TFAP2D: variants seen among roughly 807,000 people sequenced by gnomAD.
TFAP2D encodes transcription factor AP-2 delta.
A neutral mutation model predicts 43.6 loss-of-function variants in TFAP2D; 9 were observed. That is an observed-to-expected ratio of 0.21 (90% CI 0.12 to 0.36). The LOEUF is 0.36. TFAP2D is among the 10% of genes least tolerant of loss of function. The probability of loss-of-function intolerance (pLI) is 1.00; values close to 1 mark genes in which losing one functional copy is unlikely to be tolerated. For missense variants in TFAP2D, 513 were observed against 561.4 expected (o/e 0.91, Z 0.87); for synonymous variants, 256 against 224.9 (o/e 1.14, Z -1.24).
intron 3 of TFAP2D, among the ~76,000 whole-genome samples, chr6:50,719,485 G>GA (rs767978494): frequency 1.8e-4 from 25 of 137,958 alleles, no homozygotes; most frequent in Non-Finnish European, 3.3e-4. Flanking sequence ...AAGAAAGAAA[G>GA]AAAGAAAGAA....
chr6:50,769,254 A>G (rs1352971639), intron 7 of TFAP2D, among the ~76,000 whole-genome samples: 1 of 152,112 alleles, frequency 6.6e-6, no homozygotes, highest in African/African-American at 2.4e-5. Flanking sequence ...ATAACACCAT[A>G]AAGATGTTAT....
At chr6:50,758,854 G>A (rs754565477) in intron 7 of TFAP2D, among the ~76,000 whole-genome samples, 2 of 152,016 alleles carry the variant, frequency 1.3e-5, no homozygotes, top group Non-Finnish European at 2.9e-5. Flanking sequence ...GCAGATATGA[G>A]TTAGGGGAGA....
chr6:50,736,443 T>C (rs1224030867), intron 5 of TFAP2D, among the ~76,000 whole-genome samples: 2 of 152,292 alleles, frequency 1.3e-5, no homozygotes, highest in East Asian at 3.9e-4. Flanking sequence ...GCTTCAGTAA[T>C]TGGTAATTAG....
In TFAP2D at chr6:50,713,936, A is replaced by G. The variant is rs1581754358; in HGVS notation, c.-120A>G. On this transcript the variant is annotated 5_prime_UTR_variant, in exon 1 of 8. Coordinates refer to ENST00000008391, the MANE Select transcript of TFAP2D (RefSeq NM_172238.4). ...CAAAACCATTACAATTTAGATATCT[A>G]CCTATAGAACATTTTTTTTTTCCTT... is the stretch of plus-strand genomic sequence containing the variant. 1.4e-6 allele frequency: 2 copies of G among 1,424,874 alleles called. No homozygotes were observed. The highest frequency in any genetic ancestry group is 2.3e-5 in the East Asian group (1 of 43,590). 88.3% of individuals were successfully genotyped at this position (1,424,874 alleles called of 1,614,324 possible).
chr6:50,720,711 G>T (rs1581758586), intron 3 of TFAP2D, among the ~76,000 whole-genome samples: 1 of 152,156 alleles, frequency 6.6e-6, no homozygotes, highest in East Asian at 1.9e-4. Flanking sequence ...AGGGGACCAG[G>T]TGAGATGTGC....
At chr6:50,732,179 C>T (rs1768904265) in intron 5 of TFAP2D, among the ~76,000 whole-genome samples, 1 of 151,966 alleles carries the variant, frequency 6.6e-6, no homozygotes, top group Admixed American at 6.6e-5. Context: ...TAAAACAGGC[C>T]ATTGGCTTTC....
At chr6:50,754,306 C>T (rs1037912432) in intron 7 of TFAP2D, among the ~76,000 whole-genome samples, 3 of 151,666 alleles carry the variant, frequency 2.0e-5, no homozygotes, top group African/African-American at 7.3e-5. Context: ...TCAAAATTTT[C>T]TTCCTTTTAA....
intron 5 of TFAP2D, among the ~76,000 whole-genome samples, chr6:50,735,193 C>T (rs1341109730): frequency 1.3e-5 from 2 of 152,052 alleles, no homozygotes; most frequent in Non-Finnish European, 2.9e-5. Context: ...AGCTGTTATG[C>T]ACAGGATTAT....
intron 7 of TFAP2D, among the ~76,000 whole-genome samples, chr6:50,757,452 T>TCTCTATATAGA (rs1769290519): frequency 2.1e-5 from 2 of 95,322 alleles, no homozygotes; most frequent in South Asian, 3.0e-4. Context: ...ATACTTATTC[T>TCTCTATATAGA]ATATATATAT....
intron 7 of TFAP2D, among the ~76,000 whole-genome samples, chr6:50,764,091 C>T (rs933332019): frequency 1.3e-5 from 2 of 152,072 alleles, no homozygotes; most frequent in African/African-American, 2.4e-5. Context: ...TTTCCTCCTG[C>T]TTTAACTATT....
Position 50,715,633 on chromosome 6 carries a change from A to C in TFAP2D, c.537+20A>C. Reference sequence around the variant, plus strand: ...TTGCAGGTAAATAAGCATGCAGCGAATTTGTCTGCTCCCTCCCCTCTTCGC... The same window carrying C: ...TTGCAGGTAAATAAGCATGCAGCGACTTTGTCTGCTCCCTCCCCTCTTCGC... On this transcript the variant is annotated intron_variant, in intron 2 of 7. Coordinates refer to ENST00000008391, the MANE Select transcript of TFAP2D (RefSeq NM_172238.4). 2 of 1,572,726 alleles carry C rather than the reference A, an allele frequency of 1.3e-6. No homozygotes were observed. Among genetic ancestry groups the C allele is most frequent in the Admixed American group, 1.7e-5 (1 of 57,276 alleles).
chr6:50,772,184 T>C (rs1350776257), intron 7 of TFAP2D, among the ~76,000 whole-genome samples: 2 of 151,904 alleles, frequency 1.3e-5, no homozygotes, highest in Non-Finnish European at 2.9e-5. Context: ...TAGGTGGGAA[T>C]TGAACAATGA....
At chr6:50,741,046 T>C (rs1247161330) in intron 5 of TFAP2D, among the ~76,000 whole-genome samples, 1 of 152,086 alleles carries the variant, frequency 6.6e-6, no homozygotes, top group Non-Finnish European at 1.5e-5. Context: ...GAAATTTATT[T>C]GTGCCTGCTT....
intron 5 of TFAP2D, among the ~76,000 whole-genome samples, chr6:50,742,553 T>A (rs529539613): frequency 4.0e-5 from 6 of 150,474 alleles, no homozygotes; most frequent in African/African-American, 1.5e-4. Flanking sequence ...GATGGGTGGA[T>A]GGACACATAG....
At chr6:50,758,161 C>T (rs767539510) in intron 7 of TFAP2D, among the ~76,000 whole-genome samples, 28 of 151,910 alleles carry the variant, frequency 1.8e-4, no homozygotes, top group Non-Finnish European at 2.6e-4. Context: ...GAAATATACC[C>T]TCTTACTACT....
chr6:50,764,320 T>C (rs960094934), intron 7 of TFAP2D, among the ~76,000 whole-genome samples: 20 of 152,282 alleles, frequency 1.3e-4, no homozygotes, highest in African/African-American at 4.8e-4. Flanking sequence ...AAGCAAAGAA[T>C]TATTTAATCT....
chr6:50,731,449 T>TAC (rs35052459), intron 5 of TFAP2D, among the ~76,000 whole-genome samples: 15,063 of 149,272 alleles, frequency 0.1, 793 homozygotes, highest in African/African-American at 0.14. Context: ...CCCACTTTCA[T>TAC]ACACACACAC....
intron 6 of TFAP2D, among the ~76,000 whole-genome samples, chr6:50,747,032 G>A (rs1769135177): frequency 2.0e-5 from 3 of 152,178 alleles, no homozygotes; most frequent in Admixed American, 6.6e-5. Context: ...TATAAAAGTT[G>A]GACTTAAAAT....
intron 6 of TFAP2D, among the ~76,000 whole-genome samples, chr6:50,749,869 G>A (rs1351956040): frequency 1.3e-5 from 2 of 151,844 alleles, no homozygotes; most frequent in Non-Finnish European, 2.9e-5. Context: ...GGGATGTGAA[G>A]TATCTTATTT....
Sources: allele counts gnomAD v4.1 joint callset (sites outside exome capture counted in the v4.1 genomes callset), GRCh38; gene constraint gnomAD v4.1.1; transcripts MANE v1.5; gene names NCBI Gene and HGNC (gene_info 2026-07-23, HGNC 2026-07-21).